NAV3: variants seen among roughly 807,000 people sequenced by gnomAD.
NAV3 encodes pore membrane and/or filament interacting like protein 1.
In NAV3, 87 loss-of-function variants were observed where a neutral mutation model predicts 244.7. The observed-to-expected ratio is 0.36, with a 90% confidence interval of 0.30 to 0.42. NAV3 has a LOEUF of 0.42. NAV3 is among the 20% of genes least tolerant of loss of function. The pLI, the probability that NAV3 is intolerant of heterozygous loss-of-function variation, is 1.00. For missense variants in NAV3, 2,663 were observed against 2,893.3 expected, an observed-to-expected ratio of 0.92 and a Z score of 1.83; for synonymous variants, 1,126 against 1,042.2, an observed-to-expected ratio of 1.08 and a Z score of -1.55.
At chr12:78,013,620 G>A (rs1368577827) in intron 8 of NAV3, among the ~76,000 whole-genome samples, 3 of 152,096 alleles carry the variant, frequency 2.0e-5, no homozygotes, top group African/African-American at 7.2e-5. Context: ...TGGACTTTAT[G>A]TATGTATATG....
chr12:78,145,834 A>G (rs1956842436), intron 20 of NAV3, among the ~76,000 whole-genome samples: 1 of 152,178 alleles, frequency 6.6e-6, no homozygotes, highest in East Asian at 1.9e-4. Context: ...AAGTAGAAGT[A>G]AATAATGTTA....
chr12:78,006,808 G>A lies in NAV3; in HGVS notation c.1270G>A (p.Glu424Lys). 1.9e-6 allele frequency: 3 copies of A among 1,614,164 alleles called. No individual in the cohort carries two copies. Among genetic ancestry groups the A allele is most frequent in the Non-Finnish European group, 2.5e-6 (3 of 1,180,030 alleles). The part of the protein sequence containing the change: ...DDAFSESGEM[E>K]GFNSGLNSGG... The stretch of plus-strand genomic sequence containing the variant: ...TGCCTTTTCTGAATCTGGTGAAATG[G>A]AAGGTTTTAACAGTGGTCTGAATAG... The change falls in exon 8 of 40, where the codon GAA (glutamate) becomes AAA (lysine). Residue 424 changes from glutamate (E) to lysine (K), a missense_variant. Physicochemically the swap from Glu to Lys is moderately conservative, Grantham distance 56 (BLOSUM62 1). Coordinates refer to ENST00000397909, the MANE Select transcript of NAV3 (RefSeq NM_001024383.2).
At chr12:77,728,732 C>T (rs996871929) in intron 2 of NAV3, among the ~76,000 whole-genome samples, 14 of 151,864 alleles carry the variant, frequency 9.2e-5, no homozygotes, top group African/African-American at 2.7e-4. Context: ...CCAGAACACA[C>T]TTACATATAG....
chr12:77,885,941 C>G (rs1392081023), intron 1 of NAV3, among the ~76,000 whole-genome samples: 2 of 152,028 alleles, frequency 1.3e-5, no homozygotes, highest in Non-Finnish European at 2.9e-5. Context: ...AATTCCTCCT[C>G]TCCATTAAAA....
chr12:78,205,814 A>T (rs1488320298), intron 39 of NAV3, among the ~76,000 whole-genome samples: 2 of 152,156 alleles, frequency 1.3e-5, no homozygotes, highest in Admixed American at 1.3e-4. Context: ...AAGTGTTACT[A>T]ACTCACCATT....
intron 9 of NAV3, among the ~76,000 whole-genome samples, chr12:78,025,090 TCA>T (rs1450894759): frequency 6.6e-6 from 1 of 152,170 alleles, no homozygotes; most frequent in Non-Finnish European, 1.5e-5. Context: ...TACGGTTCAA[TCA>T]CAGTCTCTTA....
chr12:77,734,442 C>T (rs979364977), intron 2 of NAV3, among the ~76,000 whole-genome samples: 7 of 151,998 alleles, frequency 4.6e-5, no homozygotes, highest in Non-Finnish European at 8.8e-5. Context: ...GCAGATAGCT[C>T]AAACTATACA....
At chr12:77,927,875 T>A (rs1888369263) in intron 1 of NAV3, among the ~76,000 whole-genome samples, 1 of 152,116 alleles carries the variant, frequency 6.6e-6, no homozygotes, top group South Asian at 2.1e-4. Context: ...TGATTGACTG[T>A]CTGTATTGAC....
intron 1 of NAV3, among the ~76,000 whole-genome samples, chr12:77,925,876 TG>T (rs1565926932): frequency 6.6e-6 from 1 of 152,186 alleles, no homozygotes; most frequent in East Asian, 1.9e-4. Flanking sequence ...TATAATTTAT[TG>T]TAGTTTTAAA....
intron 8 of NAV3, among the ~76,000 whole-genome samples, chr12:78,009,599 T>C (rs193092669): frequency 6.6e-6 from 1 of 152,134 alleles, no homozygotes; most frequent in Non-Finnish European, 1.5e-5. Flanking sequence ...GGGTCATATA[T>C]GTAAAGATTC....
intron 2 of NAV3, among the ~76,000 whole-genome samples, chr12:77,774,227 A>G (rs1870239315): frequency 6.6e-6 from 1 of 152,160 alleles, no homozygotes; most frequent in African/African-American, 2.4e-5. Flanking sequence ...TCAGTTGGTT[A>G]TACTCTCCCA....
chr12:77,813,649 T>C (rs1350097338), intron 2 of NAV3, among the ~76,000 whole-genome samples: 1 of 152,024 alleles, frequency 6.6e-6, no homozygotes, highest in African/African-American at 2.4e-5. Context: ...CCCATCAAAA[T>C]AAAAGGGCTT....
intron 2 of NAV3, among the ~76,000 whole-genome samples, chr12:77,766,213 A>G (rs1467599348): frequency 3.9e-5 from 6 of 152,222 alleles, no homozygotes; most frequent in Non-Finnish European, 8.8e-5. Flanking sequence ...CTGGAGGAAA[A>G]GGAAGACAGT....
At chr12:78,184,545 C>T (rs1451064586) in intron 30 of NAV3, among the ~76,000 whole-genome samples, 2 of 151,768 alleles carry the variant, frequency 1.3e-5, no homozygotes, top group Admixed American at 1.3e-4. Flanking sequence ...TTCTCAAGCT[C>T]TGAAAGTTGT....
chr12:77,589,274 GTCT>G (rs1869789056), intron 2 of NAV3, among the ~76,000 whole-genome samples: 1 of 152,056 alleles, frequency 6.6e-6, no homozygotes, highest in African/African-American at 2.4e-5. Context: ...CAGACCTCCT[GTCT>G]TCTTCTGAGC....
chr12:78,108,326 A>G (rs1312966554), intron 12 of NAV3, among the ~76,000 whole-genome samples: 2 of 152,206 alleles, frequency 1.3e-5, no homozygotes, highest in Non-Finnish European at 2.9e-5. Context: ...TTAGACCTAA[A>G]GAGAGAAATA....
intron 2 of NAV3, among the ~76,000 whole-genome samples, chr12:77,722,992 T>C (rs1401648220): frequency 3.3e-5 from 5 of 152,074 alleles, no homozygotes; most frequent in African/African-American, 4.8e-5. Context: ...TTGAGGGGCA[T>C]GATTGTAGCT....
At chr12:77,791,068 C>G (rs1187070621) in intron 2 of NAV3, among the ~76,000 whole-genome samples, 1 of 152,088 alleles carries the variant, frequency 6.6e-6, no homozygotes, top group Non-Finnish European at 1.5e-5. Context: ...AAAATATTTT[C>G]CATTTGGCCG....
chr12:77,678,571 A>G (rs1468580790), intron 2 of NAV3, among the ~76,000 whole-genome samples: 3 of 152,094 alleles, frequency 2.0e-5, no homozygotes, highest in East Asian at 3.8e-4. Flanking sequence ...AATTTCCTCA[A>G]CTTTCTGCGG....
Sources: gnomAD v4.1 joint callset for allele counts (sites outside exome capture counted in the v4.1 genomes callset) on GRCh38, gnomAD v4.1.1 for gene constraint, MANE v1.5 for transcripts, NCBI Gene and HGNC (gene_info 2026-07-23, HGNC 2026-07-21) for gene names.